The following ERBB4 variants were observed in gnomAD, a reference collection of about 807,000 sequenced individuals.
ERBB4 encodes receptor tyrosine-protein kinase erbB-4.
A neutral mutation model predicts 158.0 loss-of-function variants in ERBB4; 42 were observed. That is an observed-to-expected ratio of 0.27 (90% confidence interval 0.21 to 0.34). The LOEUF (loss-of-function observed/expected upper bound fraction) is 0.34, where lower values mean the gene tolerates loss of function less well. Among genes scored for constraint, ERBB4 ranks in the 10% least tolerant of loss-of-function variants. The pLI is 1.00. For missense variants in ERBB4, 1,333 were observed against 1,624.1 expected (o/e 0.82, Z 3.08); for synonymous variants, 583 against 558.7 (o/e 1.04, Z -0.61).
intron 2 of ERBB4, among the ~76,000 whole-genome samples, chr2:211,963,103 T>C (rs1334634934): frequency 6.6e-6 from 1 of 152,136 alleles, no homozygotes; most frequent in Non-Finnish European, 1.5e-5. Flanking sequence ...GGTTATAATA[T>C]TGTTCACATA....
At chr2:211,668,033 C>A (rs1432533109) in intron 14 of ERBB4, among the ~76,000 whole-genome samples, 1 of 152,116 alleles carries the variant, frequency 6.6e-6, no homozygotes, top group Non-Finnish European at 1.5e-5. Flanking sequence ...CTACTTTATA[C>A]CTAGGCCATA....
intron 20 of ERBB4, among the ~76,000 whole-genome samples, chr2:211,549,211 A>G (rs2125698058): frequency 6.6e-6 from 1 of 152,288 alleles, no homozygotes; most frequent in East Asian, 1.9e-4. Context: ...ATTTTGAAGC[A>G]CCAGCACCCA....
At chr2:212,322,127 AT>A in intron 1 of ERBB4, among the ~76,000 whole-genome samples, 1 of 150,644 alleles carries the variant, frequency 6.6e-6, no homozygotes, top group African/African-American at 2.4e-5. Context: ...TGTATGTAAA[AT>A]GCTGAAATAT....
intron 1 of ERBB4, among the ~76,000 whole-genome samples, chr2:212,271,548 A>C (rs963368532): frequency 1.6e-4 from 24 of 151,804 alleles, no homozygotes; most frequent in African/African-American, 5.3e-4. Context: ...TAATCTTTCA[A>C]AATCACAAAG....
intron 1 of ERBB4, among the ~76,000 whole-genome samples, chr2:212,344,404 C>A (rs1423381680): frequency 6.6e-6 from 1 of 151,964 alleles, no homozygotes; most frequent in African/African-American, 2.4e-5. Context: ...CATAATTGCT[C>A]CAGATTGAGA....
At chr2:211,723,718 A>G (rs977471533) in intron 6 of ERBB4, among the ~76,000 whole-genome samples, 1 of 152,198 alleles carries the variant, frequency 6.6e-6, no homozygotes, top group Non-Finnish European at 1.5e-5. Flanking sequence ...ATGTGTCCTT[A>G]TAATTGCTTT....
intron 7 of ERBB4, among the ~76,000 whole-genome samples, chr2:211,716,487 T>C (rs1333827668): frequency 6.8e-6 from 1 of 146,798 alleles, no homozygotes; most frequent in African/African-American, 2.6e-5. Context: ...CCATCCCGGC[T>C]AACACGGTGA....
At chr2:211,739,315 C>T (rs1221598804) in intron 5 of ERBB4, among the ~76,000 whole-genome samples, 1 of 152,054 alleles carries the variant, frequency 6.6e-6, no homozygotes, top group African/African-American at 2.4e-5. Context: ...AGACATTTGC[C>T]TCCAAATGTC....
chr2:212,065,645 C>T (rs962694663), intron 2 of ERBB4, among the ~76,000 whole-genome samples: 13 of 151,906 alleles, frequency 8.6e-5, no homozygotes, highest in African/African-American at 1.7e-4. Flanking sequence ...ATATTAGAAA[C>T]GGAGAGGAAG....
At chr2:212,121,706 G>A (rs747030723) in intron 2 of ERBB4, among the ~76,000 whole-genome samples, 2 of 150,122 alleles carry the variant, frequency 1.3e-5, no homozygotes, top group Non-Finnish European at 3.0e-5. Context: ...CTATACTATA[G>A]ATTCCCTGGG....
rs1373998691 is a variant in ERBB4, at chr2:211,772,918, CACACACATATATATAT to C, written c.556+15091_556+15106del. 5.6e-4 allele frequency among the ~76,000 whole-genome samples: 26 copies of C among 46,810 alleles called. 1 individual carries two copies. The highest frequency in any genetic ancestry group is 1.0e-3 in the Non-Finnish European group (25 of 24,634). 30.7% of individuals were successfully genotyped at this position (46,810 alleles called of 152,430 possible). A position where few individuals can be genotyped will look rare whatever the true frequency, so the allele number is the denominator to read the frequency against. On this transcript the variant is annotated intron_variant, in intron 4 of 27. Transcript: ENST00000342788. ...ACACACATATATATATACACACACA[CACACACATATATATAT>C]ATATATATATATATATATATATTTT...
intron 3 of ERBB4, among the ~76,000 whole-genome samples, chr2:211,882,420 T>G (rs2106153974): frequency 6.6e-6 from 1 of 152,214 alleles, no homozygotes; most frequent in African/African-American, 2.4e-5. Context: ...CTGATGAACT[T>G]TTAAAAGTCC....
At chr2:212,179,104 C>T (rs1249603599) in intron 1 of ERBB4, among the ~76,000 whole-genome samples, 1 of 151,432 alleles carries the variant, frequency 6.6e-6, no homozygotes, top group Non-Finnish European at 1.5e-5. Flanking sequence ...TTTGGTAAGA[C>T]ATAGAATCAT....
rs2062587591 is a variant in ERBB4, at chr2:211,382,359, G to C, written c.*1256C>G. ...TGCTGGCCTCTCATCATAGTCCCTG[G>C]ATACCGTTGCAAGGTTCCTAATTTG... On this transcript the variant is annotated 3_prime_UTR_variant, in exon 28 of 28. Coordinates refer to ENST00000342788, the MANE Select transcript of ERBB4 (RefSeq NM_005235.3). 4.3e-6 allele frequency: 1 copy of C among 232,412 alleles called. No homozygotes were observed. Among genetic ancestry groups the C allele is most frequent in the Non-Finnish European group, 8.5e-6 (1 of 117,542 alleles). The allele number at this position is 232,412 out of a possible 1,614,324, so 14.4% of individuals were successfully genotyped here.
intron 1 of ERBB4, among the ~76,000 whole-genome samples, chr2:212,513,193 C>T (rs1430513381): frequency 6.6e-6 from 1 of 152,108 alleles, no homozygotes; most frequent in Non-Finnish European, 1.5e-5. Flanking sequence ...GTTTAATAAA[C>T]TCCTGATGCC....
chr2:211,647,557 C>G (rs1426759467), intron 16 of ERBB4, among the ~76,000 whole-genome samples: 1 of 151,620 alleles, frequency 6.6e-6, no homozygotes, highest in African/African-American at 2.4e-5. Flanking sequence ...ATCCATCCAA[C>G]TTTGCAAGCC....
At position 212,451,117 on chromosome 2, in the gene ERBB4, G is replaced by T. The variant is rs150036405; in HGVS notation, c.82+87332C>A. ...GAAGAATATTTTAAGAAGAATCCGA[G>T]AAGGAGGCAGACTTTTTATCTCAGT... On this transcript the variant is annotated intron_variant, in intron 1 of 27. Coordinates refer to ENST00000342788, the MANE Select transcript of ERBB4 (RefSeq NM_005235.3). 4.0e-3 allele frequency among the ~76,000 whole-genome samples: 603 copies of T among 152,266 alleles called. 6 individuals are homozygous for T. Among genetic ancestry groups the T allele is most frequent in the African/African-American group, 0.014 (574 of 41,558 alleles).
At chr2:212,522,377 G>A (rs1382489586) in intron 1 of ERBB4, among the ~76,000 whole-genome samples, 1 of 151,930 alleles carries the variant, frequency 6.6e-6, no homozygotes, top group African/African-American at 2.4e-5. Flanking sequence ...GTTAATGTGT[G>A]ATGTACAGAA....
At chr2:211,630,170 T>C (rs554357754) in intron 17 of ERBB4, among the ~76,000 whole-genome samples, 2 of 152,300 alleles carry the variant, frequency 1.3e-5, no homozygotes, top group South Asian at 2.1e-4. Context: ...TATTGAGATA[T>C]CCTCTATCCA....
Sources: allele counts gnomAD v4.1 joint callset (sites outside exome capture counted in the v4.1 genomes callset), GRCh38; gene constraint gnomAD v4.1.1; transcripts MANE v1.5; gene names NCBI Gene and HGNC (gene_info 2026-07-23, HGNC 2026-07-21).